Variants in PIGK observed in about 807,000 individuals in gnomAD.
The protein encoded by PIGK is GPI-anchor transamidase.
PIGK carries 42 observed loss-of-function variants against 50.6 expected under a neutral mutation model. The ratio of observed to expected loss-of-function variants is 0.83; its 90% confidence interval spans 0.65 to 1.07. The LOEUF (loss-of-function observed/expected upper bound fraction) is 1.07. Ranked by LOEUF, PIGK falls within the 50% of genes least tolerant of loss-of-function variation. The probability of loss-of-function intolerance (pLI) is 0.00; values close to 1 mark genes in which losing one functional copy is unlikely to be tolerated. For synonymous variants in PIGK, 151 were observed against 156.0 expected (o/e 0.97, Z 0.24); for missense variants, 448 against 488.7 (o/e 0.92, Z 0.78).
chr1:77,166,413 A>C lies in PIGK; in HGVS notation c.487+306T>G, dbSNP rs549933441. ...GACAGATTTGCAATTTCTATTAGAC[A>C]CTTTCACAGGATGATTAGCAGGAGA... On this transcript the variant is annotated intron_variant, in intron 5 of 10. Transcript: ENST00000370812. Among the ~76,000 whole-genome samples, 13 of 152,312 alleles carry C rather than the reference A, an allele frequency of 8.5e-5. No homozygotes were observed. The South Asian group carries it at 2.7e-3, about 32-fold the overall frequency.
chr1:77,213,596 G>A lies in PIGK; in HGVS notation c.94-3107C>T, dbSNP rs529800707. Among the ~76,000 whole-genome samples the A allele has an allele frequency of 4.7e-4, 71 of 151,824 alleles. 2 individuals carry two copies. In the South Asian group the frequency reaches 0.013, roughly 29 times the overall value. ...AAAAGGTAGGTTTATTGCAATAATC[G>A]CCTACATCAAAAAGTACAAAGATTT... is the stretch of plus-strand genomic sequence containing the variant. On this transcript the variant is annotated intron_variant, in intron 1 of 10. Transcript: ENST00000370812.
At chr1:77,152,674 A>G (rs1379486920) in intron 9 of PIGK, among the ~76,000 whole-genome samples, 1 of 147,244 alleles carries the variant, frequency 6.8e-6, no homozygotes, top group Non-Finnish European at 1.5e-5. Flanking sequence ...AAAACAAAAC[A>G]AAACAAAAAA....
intron 10 of PIGK, among the ~76,000 whole-genome samples, chr1:77,117,148 CT>C (rs1653994073): frequency 6.6e-6 from 1 of 152,166 alleles, no homozygotes; most frequent in South Asian, 2.1e-4. Flanking sequence ...TCAGGATGCA[CT>C]TCACCATAAA....
At chr1:77,201,832 G>A (rs533686318) in intron 3 of PIGK, among the ~76,000 whole-genome samples, 4 of 152,120 alleles carry the variant, frequency 2.6e-5, no homozygotes, top group Admixed American at 6.5e-5. Context: ...CAAGGTGGGA[G>A]GATCACTTGA....
chr1:77,143,583 C>T (rs191287102), intron 9 of PIGK, among the ~76,000 whole-genome samples: 1 of 152,068 alleles, frequency 6.6e-6, no homozygotes, highest in Non-Finnish European at 1.5e-5. Flanking sequence ...AATTCAATAT[C>T]AAAATTATTT....
At chr1:77,121,806 A>G (rs577752526) in intron 10 of PIGK, among the ~76,000 whole-genome samples, 1 of 152,350 alleles carries the variant, frequency 6.6e-6, no homozygotes, top group East Asian at 1.9e-4. Context: ...ATAATTGGAA[A>G]TGAACAAATT....
In PIGK at chr1:77,204,529, A is replaced by T. The variant is rs189719389; in HGVS notation, c.239+2111T>A. Reference sequence around the variant, plus strand: ...TCTGTGACCCACACCCTATTCGTACACCCCTTCCCTTTTGAAATCCATAAT... The same window carrying T: ...TCTGTGACCCACACCCTATTCGTACTCCCCTTCCCTTTTGAAATCCATAAT... On this transcript the variant is annotated intron_variant, in intron 3 of 10. Transcript: ENST00000370812. 5.9e-4 allele frequency among the ~76,000 whole-genome samples: 89 copies of T among 151,862 alleles called. 1 individual carries two copies. Among genetic ancestry groups the T allele is most frequent in the African/African-American group, 2.0e-3 (82 of 41,382 alleles).
At chr1:77,163,035 A>C (rs1655162954) in intron 6 of PIGK, among the ~76,000 whole-genome samples, 1 of 152,186 alleles carries the variant, frequency 6.6e-6, no homozygotes, top group Non-Finnish European at 1.5e-5. Context: ...TAGAGTTGTA[A>C]AATTAAATGA....
At chr1:77,186,050 A>G (rs190225645) in intron 3 of PIGK, among the ~76,000 whole-genome samples, 3 of 152,252 alleles carry the variant, frequency 2.0e-5, no homozygotes, top group East Asian at 1.9e-4. Context: ...TCCATCATCA[A>G]ATGGAAGTGG....
chr1:77,216,741 A>G (rs1656576407), intron 1 of PIGK, among the ~76,000 whole-genome samples: 1 of 152,036 alleles, frequency 6.6e-6, no homozygotes, highest in Non-Finnish European at 1.5e-5. Flanking sequence ...GAATTCAAAG[A>G]CCTAAGCTAA....
intron 4 of PIGK, among the ~76,000 whole-genome samples, chr1:77,168,041 A>G (rs1040410389): frequency 6.6e-6 from 1 of 152,082 alleles, no homozygotes; most frequent in East Asian, 1.9e-4. Flanking sequence ...AGTTCCATAT[A>G]TATTTCCCCA....
At chr1:77,189,068 C>A (rs907289151) in intron 3 of PIGK, among the ~76,000 whole-genome samples, 2 of 152,130 alleles carry the variant, frequency 1.3e-5, no homozygotes, top group African/African-American at 4.8e-5. Context: ...TAGAAAATAT[C>A]TTCAGTTTAT....
intron 3 of PIGK, among the ~76,000 whole-genome samples, chr1:77,185,710 C>A (rs1655724283): frequency 6.6e-6 from 1 of 152,210 alleles, no homozygotes; most frequent in Non-Finnish European, 1.5e-5. Flanking sequence ...GGCTGCTGTG[C>A]AAGCTGCTCT....
chr1:77,213,584 A>G (rs941583557), intron 1 of PIGK, among the ~76,000 whole-genome samples: 1 of 152,218 alleles, frequency 6.6e-6, no homozygotes, highest in Non-Finnish European at 1.5e-5. Flanking sequence ...AGGTAGGTTT[A>G]TTGCAATAAT....
chr1:77,128,887 G>A (rs1654289970), intron 9 of PIGK, among the ~76,000 whole-genome samples: 1 of 152,080 alleles, frequency 6.6e-6, no homozygotes, highest in Admixed American at 6.6e-5. Context: ...TGTATGTCCT[G>A]TTAGCTAAGA....
At chr1:77,125,355 T>C (rs6603936) in intron 9 of PIGK, among the ~76,000 whole-genome samples, 100,587 of 152,062 alleles carry the variant, frequency 0.66, 33,970 homozygotes, top group African/African-American at 0.81. Flanking sequence ...ACCAAGGATA[T>C]GTCTGAAATG....
chr1:77,196,786 T>C (rs1656048585), intron 3 of PIGK, among the ~76,000 whole-genome samples: 1 of 152,208 alleles, frequency 6.6e-6, no homozygotes, highest in South Asian at 2.1e-4. Context: ...ACTCTGTTGA[T>C]AGTTTCTTTT....
At chr1:77,188,603 C>T (rs1171837578) in intron 3 of PIGK, among the ~76,000 whole-genome samples, 3 of 152,064 alleles carry the variant, frequency 2.0e-5, no homozygotes, top group Non-Finnish European at 4.4e-5. Context: ...ATTCTATTAC[C>T]CTGTTAAGTA....
intron 3 of PIGK, among the ~76,000 whole-genome samples, chr1:77,171,244 G>A (rs916910484): frequency 1.3e-5 from 2 of 151,578 alleles, no homozygotes; most frequent in Non-Finnish European, 2.9e-5. Flanking sequence ...AGACCATCCT[G>A]GTTAACACAG....
Sources: allele counts gnomAD v4.1 joint callset (sites outside exome capture counted in the v4.1 genomes callset), GRCh38; gene constraint gnomAD v4.1.1; transcripts MANE v1.5; gene names NCBI Gene and HGNC (gene_info 2026-07-23, HGNC 2026-07-21).